COL6A2: variants seen among roughly 807,000 people sequenced by gnomAD.
COL6A2 encodes the protein collagen alpha-2(VI) chain.
COL6A2 carries 90 observed loss-of-function variants against 124.9 expected under a neutral mutation model. The ratio of observed to expected loss-of-function variants is 0.72; its 90% CI spans 0.61 to 0.86. The LOEUF (loss-of-function observed/expected upper bound fraction) is 0.86, where lower values mean the gene tolerates loss of function less well. COL6A2 is among the 40% of genes least tolerant of loss of function. The pLI, the probability that COL6A2 is intolerant of heterozygous loss-of-function variation, is 0.00. For missense variants in COL6A2, 1,607 were observed against 1,502.5 expected, an observed-to-expected ratio of 1.07 and a Z score of -1.15; for synonymous variants, 793 against 618.2, an observed-to-expected ratio of 1.28 and a Z score of -4.19.
rs562660979 is a variant in COL6A2 at position 46,129,892 on chromosome 21, C to T, written c.2462-2062C>T. The T allele has an allele frequency of 4.6e-4, 458 of 999,546 alleles. 10 individuals are homozygous for T. The South Asian group carries it at 0.017, about 38-fold the overall frequency. 61.9% of individuals were successfully genotyped at this position (999,546 alleles called of 1,614,324 possible). A position where few individuals can be genotyped will look rare whatever the true frequency, so the allele number is the denominator to read the frequency against. On this transcript the variant is annotated intron_variant, in intron 27 of 27. Transcript: ENST00000300527. Reference sequence around the variant, plus strand: ...GAAGTCTTTGGAGGCCCTTACTTAGCGGCCCAGCTGGGCTGCCGTGCGTCT... The same window carrying T: ...GAAGTCTTTGGAGGCCCTTACTTAGTGGCCCAGCTGGGCTGCCGTGCGTCT...
intron 1 of COL6A2, among the ~76,000 whole-genome samples, chr21:46,108,198 T>G (rs1301937287): frequency 6.6e-6 from 1 of 152,130 alleles, no homozygotes; most frequent in Non-Finnish European, 1.5e-5. Context: ...TCTCTTCTTT[T>G]CCAACAGTTA....
chr21:46,103,918 C>G (rs2330395), intron 1 of COL6A2, among the ~76,000 whole-genome samples: 149,760 of 152,296 alleles, frequency 0.98, 73,644 homozygotes, highest in East Asian at 1. Flanking sequence ...TCTTTTGAGA[C>G]GTAGACATTG....
intron 27 of COL6A2, among the ~76,000 whole-genome samples, chr21:46,127,012 TCA>T (rs10606479): frequency 1 from 151,530 of 152,276 alleles, 75,396 homozygotes; most frequent in Middle Eastern, 1. Flanking sequence ...GCTGCGGCTC[TCA>T]CATCTCTGGG....
chr21:46,107,349 A>G (rs1388492819), intron 1 of COL6A2, among the ~76,000 whole-genome samples: 3 of 152,124 alleles, frequency 2.0e-5, no homozygotes, highest in Admixed American at 6.5e-5. Context: ...ATCTAACCCT[A>G]TATGCTGTGA....
chr21:46,120,000 G>T, intron 15 of COL6A2, 150 bp downstream of exon 15: 2 of 752,896 alleles, frequency 2.7e-6, no homozygotes, highest in South Asian at 3.1e-5. Flanking sequence ...TGGGAATGCA[G>T]CCCTGAGATC....
intron 22 of COL6A2, 58 bp downstream of exon 22, chr21:46,124,771 C>G (rs1444036820): frequency 1.5e-5 from 24 of 1,602,454 alleles, no homozygotes; most frequent in Non-Finnish European, 2.0e-5. Context: ...AACACACACC[C>G]AAGCCTCGTG....
intron 22 of COL6A2, 63 bp downstream of exon 22, chr21:46,124,776 CTCGTGGTTCTGCCCACGGTGGACCCACG>C: frequency 6.2e-7 from 1 of 1,601,904 alleles, no homozygotes; most frequent in Non-Finnish European, 8.5e-7. Flanking sequence ...ACACCCAAGC[CTCGTGGTTCTGCCCACGGTGGACCCACG>C]TATCAGTGGG....
rs565019568 is a variant in COL6A2, at chr21:46,118,139, G to A, written c.1116+203G>A. Reference sequence around the variant, plus strand: ...TAACCAGGGCTTGGGCGGCCCCGCCGCTGCTCACCGAGGCCTCGGCAACAA... The same window carrying A: ...TAACCAGGGCTTGGGCGGCCCCGCCACTGCTCACCGAGGCCTCGGCAACAA... On this transcript the variant is annotated intron_variant, in intron 12 of 27. Coordinates refer to ENST00000300527, the MANE Select transcript of COL6A2 (RefSeq NM_001849.4). 3.9e-4 allele frequency among the ~76,000 whole-genome samples: 59 copies of A among 152,142 alleles called. 1 individual carries two copies. The East Asian group carries it at 9.5e-3, about 25-fold the overall frequency.
At position 46,116,327 on chromosome 21, in the gene COL6A2, G is replaced by T. The variant is rs914626259; in HGVS notation, c.901-50G>T. 1 of 1,606,896 alleles carries T rather than the reference G, an allele frequency of 6.2e-7. No homozygotes were observed. Among genetic ancestry groups the T allele is most frequent in the East Asian group, 2.2e-5 (1 of 44,792 alleles). ...CTGCAGGGCTGGCCCTTCCCTGCCT[G>T]TGTCTCTGCAGAGCTCCTCACTAAT... On this transcript the variant is annotated intron_variant, in intron 7 of 27. Transcript: ENST00000300527. The surrounding 1 kb of genome is among the most constrained non-coding windows in gnomAD (Gnocchi z 4.6).
intron 1 of COL6A2, among the ~76,000 whole-genome samples, chr21:46,099,744 C>T (rs1253258523): frequency 6.6e-6 from 1 of 152,168 alleles, no homozygotes; most frequent in South Asian, 2.1e-4. Context: ...GCAGTGGAGG[C>T]TGTAATGGGC....
At chr21:46,119,542 C>G (rs2078527735) in intron 14 of COL6A2, among the ~76,000 whole-genome samples, 1 of 152,230 alleles carries the variant, frequency 6.6e-6, no homozygotes, top group Non-Finnish European at 1.5e-5. Flanking sequence ...CACCTGGAGC[C>G]TCCCCAGATC....
In COL6A2 at chr21:46,120,567, A is replaced by G; in HGVS notation, c.1385A>G (p.Lys462Arg). 6.8e-7 allele frequency: 1 copy of G among 1,465,870 alleles called. No individual in the cohort carries two copies. The highest frequency in any genetic ancestry group is 9.0e-7 in the Non-Finnish European group (1 of 1,109,126). The allele number at this position is 1,465,870 out of a possible 1,614,324, so 90.8% of individuals were successfully genotyped here. Residue 462 changes from lysine (K) to arginine (R), a missense_variant, in exon 16 of 28, where the codon AAA becomes AGA. Coordinates refer to ENST00000300527, the MANE Select transcript of COL6A2 (RefSeq NM_001849.4). The part of the protein sequence containing the change: ...PRGLAGEVGN[K>R]GAKGDRGLPG... ...GGCCTGGCTGGAGAGGTTGGCAACA[A>G]AGGAGCCAAGGTAGGGGAGCAGGGT...
At position 46,111,609 on chromosome 21, in the gene COL6A2, C is replaced by T. The variant is rs751654899; in HGVS notation, c.115+18C>T. On this transcript the variant is annotated intron_variant, in intron 2 of 27. Coordinates refer to ENST00000300527, the MANE Select transcript of COL6A2 (RefSeq NM_001849.4). ...CTGCCCAGGTGCCAGGGGTCGGGGG[C>T]CGGGGGCTCTGGGCATTTGGGGGGC... is the stretch of plus-strand genomic sequence containing the variant. The T allele has an allele frequency of 1.9e-6, 3 of 1,561,478 alleles. No individual in the cohort carries two copies. The highest frequency in any genetic ancestry group is 1.4e-5 in the African/African-American group (1 of 73,288).
intron 22 of COL6A2, 28 bp from the exon 23 acceptor site, chr21:46,124,857 A>C (rs200398326): frequency 6.2e-7 from 1 of 1,612,780 alleles, no homozygotes; most frequent in East Asian, 2.2e-5. Flanking sequence ...TTGGCCCCAG[A>C]GTCTCAGCCT....
Position 46,119,639 on chromosome 21 carries a change from G to A in COL6A2, c.1270-149G>A. ...GCCACTGGCGCAGGCTGAGGCTGTT[G>A]GGAAGGAGCCTGGGGATCGAGGTCC... On this transcript the variant is annotated intron_variant, in intron 14 of 27. Transcript: ENST00000300527. 3 of 691,096 alleles carry A rather than the reference G, an allele frequency of 4.3e-6. No individual in the cohort carries two copies. The South Asian group carries it at 5.4e-5, about 12-fold the overall frequency. 42.8% of individuals were successfully genotyped at this position (691,096 alleles called of 1,614,324 possible). A position where few individuals can be genotyped will look rare whatever the true frequency, so the allele number is the denominator to read the frequency against.
In COL6A2 at chr21:46,125,884, C is replaced by T; in HGVS notation, c.2069C>T (p.Ala690Val). 3 of 1,613,198 alleles carry T rather than the reference C, an allele frequency of 1.9e-6. No individual in the cohort carries two copies. Among genetic ancestry groups the T allele is most frequent in the Non-Finnish European group, 2.5e-6 (3 of 1,179,986 alleles). Residue 690 changes from alanine to valine, a missense_variant, in exon 26 of 28, where the codon GCT becomes GTT. Ala to Val is a moderately conservative substitution (Grantham distance 64). Around this residue, in one of 3 missense-constraint regions of COL6A2, gnomAD observed 1,223 missense variants for 1,052.2 expected, o/e 1.16. Transcript: ENST00000300527. The part of the protein sequence containing the change: ...RIDSLSSFKE[A>V]VKNLEWIAGG... ...GACTCCCTGTCGAGCTTCAAGGAGG[C>T]TGTCAAGAACCTCGAGTGGATTGCG...
rs777935408 is a variant in COL6A2, at chr21:46,128,944, T to G, written c.2461+2403T>G. ...TTTGTGCTGAAAGGTTTTCTCGGGGTCCGTGGTGTCCCCCAAAGGTGCCAC... is the reference window on the plus strand; with the variant it reads ...TTTGTGCTGAAAGGTTTTCTCGGGGGCCGTGGTGTCCCCCAAAGGTGCCAC... On this transcript the variant is annotated intron_variant, in intron 27 of 27. Coordinates refer to ENST00000300527, the MANE Select transcript of COL6A2 (RefSeq NM_001849.4). The G allele has an allele frequency of 1.6e-5, 25 of 1,611,178 alleles. No homozygotes were observed. In the Admixed American group the frequency reaches 4.2e-4, roughly 27 times the overall value.
intron 27 of COL6A2, among the ~76,000 whole-genome samples, chr21:46,128,540 C>G (rs1023636628): frequency 1.3e-5 from 2 of 152,238 alleles, no homozygotes; most frequent in African/African-American, 4.8e-5. Context: ...CCCAGCCACC[C>G]TGGGCCTGCA....
rs554415166 is a variant in COL6A2 at position 46,114,192 on chromosome 21, C to T, written c.801+119C>T. On this transcript the variant is annotated intron_variant, in intron 5 of 27. Transcript: ENST00000300527. Reference sequence around the variant, plus strand: ...CTGTAATCCCAGCACTTTGGGAGGCCGAGGCGGGCGGATCACAACGTCAGG... The same window carrying T: ...CTGTAATCCCAGCACTTTGGGAGGCTGAGGCGGGCGGATCACAACGTCAGG... 30 of 804,752 alleles carry T rather than the reference C, an allele frequency of 3.7e-5. No individual in the cohort carries two copies. In the Middle Eastern group the frequency reaches 7.4e-4, roughly 20 times the overall value. The allele number at this position is 804,752 out of a possible 1,614,324, so 49.9% of individuals were successfully genotyped here.
Sources: gnomAD v4.1 joint callset for allele counts (sites outside exome capture counted in the v4.1 genomes callset) on GRCh38, gnomAD v4.1.1 for gene constraint, gnomAD v4.1.1 regional missense constraint, Gnocchi (gnomAD v3.1) non-coding constraint, MANE v1.5 for transcripts, NCBI Gene and HGNC (gene_info 2026-07-23, HGNC 2026-07-21) for gene names.